The following SPINK8 variants were observed in gnomAD, a reference collection of about 807,000 sequenced individuals.
SPINK8 encodes the protein serine peptidase inhibitor Kazal type 8 (putative).
A neutral mutation model predicts 14.4 loss-of-function variants in SPINK8; 12 were observed. The ratio of observed to expected loss-of-function variants is 0.83; its 90% CI spans 0.53 to 1.35. The LOEUF is 1.35. Among genes scored for constraint, SPINK8 ranks in the 40% most tolerant of loss-of-function variants. The pLI, the probability that SPINK8 is intolerant of heterozygous loss-of-function variation, is 0.00. For missense variants in SPINK8, 103 were observed against 117.0 expected (o/e 0.88, Z 0.55); for synonymous variants, 32 against 37.6 (o/e 0.85, Z 0.55).
At chr3:48,321,130 A>C in intron 4 of SPINK8, 56 bp from the exon 5 acceptor site, 1 of 1,524,696 alleles carries the variant, frequency 6.6e-7, no homozygotes, top group East Asian at 2.5e-5. Context: ...GCCCTCAGCG[A>C]AAAAGGTAAG....
chr3:48,325,127 T>C (rs1266214230), intron 4 of SPINK8, among the ~76,000 whole-genome samples: 1 of 152,224 alleles, frequency 6.6e-6, no homozygotes, highest in Admixed American at 6.5e-5. Flanking sequence ...GGTTGCAGTT[T>C]GCATGATATA....
At chr3:48,320,957 C>T in intron 5 of SPINK8, 68 bp downstream of exon 5, 2 of 1,498,378 alleles carry the variant, frequency 1.3e-6, no homozygotes, top group Non-Finnish European at 1.8e-6. Context: ...GAAGAAAGAG[C>T]TGGGGCTTTT....
At chr3:48,332,873 A>C (rs1383315496) in intron 1 of SPINK8, among the ~76,000 whole-genome samples, 1 of 144,118 alleles carries the variant, frequency 6.9e-6, no homozygotes, top group Non-Finnish European at 1.6e-5. Context: ...ATTTGCTTCA[A>C]GTCTGAGAGG....
At chr3:48,323,142 G>GTTTGT (rs991921598) in intron 4 of SPINK8, among the ~76,000 whole-genome samples, 1 of 152,058 alleles carries the variant, frequency 6.6e-6, no homozygotes, top group Non-Finnish European at 1.5e-5. Context: ...TGTTGTTTTT[G>GTTTGT]TTTGTTTTGT....
At position 48,315,817 on chromosome 3, in the gene SPINK8, G is replaced by A. The variant is rs571753648; in HGVS notation, c.239+3680C>T. 2.3e-3 allele frequency among the ~76,000 whole-genome samples: 345 copies of A among 149,928 alleles called. 1 individual carries two copies. Among genetic ancestry groups the A allele is most frequent in the Non-Finnish European group, 4.1e-3 (276 of 67,540 alleles). On this transcript the variant is annotated intron_variant, in intron 6 of 7. Coordinates refer to ENST00000434006, the MANE Select transcript of SPINK8 (RefSeq NM_001080525.3). ...TGAGAATGATGTCTCACCAAATAGC[G>A]AATATCAATAAAGAGACAGAAAAAA...
intron 6 of SPINK8, among the ~76,000 whole-genome samples, chr3:48,311,783 G>A (rs190188638): frequency 6.6e-6 from 1 of 152,226 alleles, no homozygotes; most frequent in African/African-American, 2.4e-5. Context: ...CTGACTGGAA[G>A]AATTAATTTA....
intron 4 of SPINK8, 52 bp downstream of exon 4, chr3:48,328,223 G>A: frequency 6.9e-7 from 1 of 1,451,998 alleles, no homozygotes; most frequent in Non-Finnish European, 9.5e-7. Flanking sequence ...ATCTTCCCAT[G>A]ATTCTAGATT....
In SPINK8 at chr3:48,307,545, C is replaced by G. The variant is rs778102988; in HGVS notation, c.283-542G>C. On this transcript the variant is annotated intron_variant, in intron 7 of 7. Transcript: ENST00000434006. ...CTCCCTCCCTATCTGCCCCCCACCC[C>G]CCCACCTCTTCTGGAATTATTAGTT... Among the ~76,000 whole-genome samples, 160 of 147,656 alleles carry G rather than the reference C, an allele frequency of 1.1e-3. 2 individuals are homozygous for G. Among genetic ancestry groups the G allele is most frequent in the Non-Finnish European group, 2.0e-3 (137 of 66,850 alleles).
intron 7 of SPINK8, among the ~76,000 whole-genome samples, chr3:48,308,164 A>G (rs1303324929): frequency 6.6e-6 from 1 of 151,004 alleles, no homozygotes; most frequent in Non-Finnish European, 1.5e-5. Flanking sequence ...TTTAGTAGAG[A>G]TGGGTTTCAC....
intron 4 of SPINK8, 49 bp from the exon 5 acceptor site, chr3:48,321,123 C>G: frequency 6.5e-7 from 1 of 1,538,590 alleles, no homozygotes; most frequent in Non-Finnish European, 8.8e-7. Flanking sequence ...GTCTTCTGCC[C>G]TCAGCGAAAA....
chr3:48,309,647 A>G (rs2035897606), intron 7 of SPINK8, among the ~76,000 whole-genome samples: 1 of 152,248 alleles, frequency 6.6e-6, no homozygotes, highest in African/African-American at 2.4e-5. Context: ...GTAGGAGTGA[A>G]TAACATGATG....
intron 4 of SPINK8, among the ~76,000 whole-genome samples, chr3:48,321,800 C>A (rs919140947): frequency 1.3e-5 from 2 of 151,370 alleles, no homozygotes; most frequent in Admixed American, 6.6e-5. Flanking sequence ...GGTGAAAGAG[C>A]AAGACTCCGT....
At position 48,320,879 on chromosome 3, in the gene SPINK8, A is replaced by T. The variant is rs7645425; in HGVS notation, c.117+146T>A. ...CAGGAACATATAAAATGTGCTACAC[A>T]TACTTGGTGACTCAGCTTTTATTGT... On this transcript the variant is annotated intron_variant, in intron 5 of 7. Coordinates refer to ENST00000434006, the MANE Select transcript of SPINK8 (RefSeq NM_001080525.3). 189,759 of 723,932 alleles carry T rather than the reference A, an allele frequency of 0.26. 27,718 individuals are homozygous for T. The highest frequency in any genetic ancestry group is 0.32 in the South Asian group (16,193 of 51,190). The allele number at this position is 723,932 out of a possible 1,614,324, so 44.8% of individuals were successfully genotyped here.
At chr3:48,316,914 C>G (rs1362268826) in intron 6 of SPINK8, among the ~76,000 whole-genome samples, 1 of 152,310 alleles carries the variant, frequency 6.6e-6, no homozygotes, top group East Asian at 1.9e-4. Context: ...CAATTTGTTG[C>G]TAGCAGACCT....
intron 2 of SPINK8, among the ~76,000 whole-genome samples, chr3:48,329,603 T>C (rs1015931274): frequency 1.7e-4 from 26 of 152,234 alleles, no homozygotes; most frequent in African/African-American, 4.8e-4. Flanking sequence ...AAGTCAAAAG[T>C]GTTCACTTTA....
At chr3:48,327,742 A>T (rs968711927) in intron 4 of SPINK8, among the ~76,000 whole-genome samples, 3 of 152,190 alleles carry the variant, frequency 2.0e-5, no homozygotes, top group Non-Finnish European at 4.4e-5. Context: ...AACTCTCCTA[A>T]GATGTGAGAG....
chr3:48,333,081 G>A (rs1026727733), intron 1 of SPINK8, among the ~76,000 whole-genome samples: 2 of 152,110 alleles, frequency 1.3e-5, no homozygotes, highest in Non-Finnish European at 2.9e-5. Context: ...TAGATTCTGA[G>A]GGCTTCCTGT....
chr3:48,312,708 G>C (rs1208768402), intron 6 of SPINK8, among the ~76,000 whole-genome samples: 1 of 151,586 alleles, frequency 6.6e-6, no homozygotes, highest in Non-Finnish European at 1.5e-5. Context: ...TTCAAAAATG[G>C]ATCAATGGGG....
chr3:48,308,028 C>T (rs1317779099), intron 7 of SPINK8, among the ~76,000 whole-genome samples: 1 of 124,614 alleles, frequency 8.0e-6, no homozygotes, highest in Non-Finnish European at 1.6e-5. Context: ...GGCTGGAGTG[C>T]AGTGGCGTGA....
Sources: gnomAD v4.1 joint callset for allele counts (sites outside exome capture counted in the v4.1 genomes callset) on GRCh38, gnomAD v4.1.1 for gene constraint, MANE v1.5 for transcripts, NCBI Gene and HGNC (gene_info 2026-07-23, HGNC 2026-07-21) for gene names.